Variants in DNAH17 observed in about 807,000 individuals in gnomAD.
DNAH17 encodes the protein dynein axonemal heavy chain 17.
A neutral mutation model predicts 485.6 loss-of-function variants in DNAH17; 376 were observed. The observed-to-expected ratio is 0.77, with a 90% CI of 0.71 to 0.84. DNAH17 has a LOEUF of 0.84. DNAH17 is among the 40% of genes least tolerant of loss of function. The pLI, the probability that DNAH17 is intolerant of heterozygous loss-of-function variation, is 0.00. For synonymous variants in DNAH17, 3,031 were observed against 2,405.9 expected (o/e 1.26, Z -7.60); for missense variants, 6,370 against 5,839.3 (o/e 1.09, Z -2.96).
Position 78,425,250 on chromosome 17 carries a change from T to C in DNAH17, c.13141+96A>G, listed in dbSNP as rs545108760. ...CTCTCCTGCCTGTCCCCACAGCTCTTGAACAGCCTGTCTTTGCCAAGAGCT... is the reference window on the plus strand; with the variant it reads ...CTCTCCTGCCTGTCCCCACAGCTCTCGAACAGCCTGTCTTTGCCAAGAGCT... On this transcript the variant is annotated intron_variant, in intron 80 of 80. Transcript: ENST00000389840. The C allele has an allele frequency of 2.9e-5, 37 of 1,293,120 alleles. 1 individual carries two copies. The South Asian group carries it at 4.6e-4, about 16-fold the overall frequency. The allele number at this position is 1,293,120 out of a possible 1,614,324, so 80.1% of individuals were successfully genotyped here.
Position 78,476,586 on chromosome 17 carries a change from T to C in DNAH17, c.8140A>G (p.Lys2714Glu), listed in dbSNP as rs1196850730. Residue 2714 changes from lysine to glutamate, a missense_variant, in exon 52 of 81, where the codon AAG becomes GAG. Transcript: ENST00000389840. ...TLHRVTMAST[K>E]KFFDDLGDEL... is the part of the protein sequence containing the mutation. ...GCTTGACTTACATCAAAGAACTTCTTGGTGGAGGCCATGGTGACTCTATGC... is the reference window on the plus strand; with the variant it reads ...GCTTGACTTACATCAAAGAACTTCTCGGTGGAGGCCATGGTGACTCTATGC... The C allele has an allele frequency of 6.2e-7, 1 of 1,610,450 alleles. No individual in the cohort carries two copies. The highest frequency in any genetic ancestry group is 2.2e-5 in the East Asian group (1 of 44,830).
chr17:78,428,907 G>A (rs1435184861), intron 76 of DNAH17, among the ~76,000 whole-genome samples, 200 bp from the exon 77 acceptor site: 1 of 139,962 alleles, frequency 7.1e-6, no homozygotes, highest in Non-Finnish European at 1.5e-5. Flanking sequence ...CCTTCCCTGA[G>A]GCTGCATTTC....
chr17:78,468,740 A>G lies in DNAH17; in HGVS notation c.8655T>C (p.Phe2885=), dbSNP rs748399781. The G allele has an allele frequency of 2.5e-6, 4 of 1,613,912 alleles. No homozygotes were observed. Among genetic ancestry groups the G allele is most frequent in the African/African-American group, 2.7e-5 (2 of 74,932 alleles). The part of the protein sequence containing the change: ...LLASGEIPGL[F]MEDEVENIIS... The stretch of plus-strand genomic sequence containing the variant: ...TGATGTTCTCCACCTCGTCCTCCAT[A>G]AACAGCCCAGGGATCTCTCCTGAGG... Residue 2885 remains phenylalanine (F), a synonymous_variant, in exon 55 of 81, where the codon TTT becomes TTC. Coordinates refer to ENST00000389840, the MANE Select transcript of DNAH17 (RefSeq NM_173628.4).
At chr17:78,555,206 G>C (rs886893887) in intron 14 of DNAH17, among the ~76,000 whole-genome samples, 1 of 152,160 alleles carries the variant, frequency 6.6e-6, no homozygotes, top group Non-Finnish European at 1.5e-5. Flanking sequence ...GGATTACAAA[G>C]CAAGACGATG....
At chr17:78,440,867 C>CGCA (rs1396493845) in intron 72 of DNAH17, among the ~76,000 whole-genome samples, 184 bp downstream of exon 72, 2 of 152,242 alleles carry the variant, frequency 1.3e-5, no homozygotes, top group Non-Finnish European at 2.9e-5. Context: ...CTACAAGGGT[C>CGCA]GCAGTTCTCA....
chr17:78,562,399 C>T (rs1233841380), intron 11 of DNAH17, among the ~76,000 whole-genome samples: 1 of 152,108 alleles, frequency 6.6e-6, no homozygotes, highest in Non-Finnish European at 1.5e-5. Flanking sequence ...GCCTGGGCAA[C>T]ACAGCAAAAT....
rs138759235 is a variant in DNAH17, at chr17:78,532,477, C to T, written c.3114+5G>A. ...AGGAGGCTGGTGGGTGAGGTCTGCA[C>T]GCACCTGCTCCTGGAACTGAGCCAG... On this transcript the variant is annotated splice_donor_5th_base_variant and intron_variant, in intron 20 of 80. Transcript: ENST00000389840. The T allele has an allele frequency of 1.5e-3, 2,374 of 1,606,808 alleles. 20 individuals carry two copies. The African/African-American group carries it at 0.024, about 17-fold the overall frequency.
chr17:78,485,784 A>AAGG, intron 46 of DNAH17, 27 bp from the exon 47 acceptor site: 2 of 1,608,332 alleles, frequency 1.2e-6, no homozygotes, highest in African/African-American at 1.3e-5. Flanking sequence ...AAGGGGAGGG[A>AAGG]GCTGTGATTC....
chr17:78,428,745 G>A (rs1239423110), intron 76 of DNAH17, 38 bp from the exon 77 acceptor site: 9 of 1,609,392 alleles, frequency 5.6e-6, no homozygotes, highest in Middle Eastern at 1.6e-4. Flanking sequence ...AGGCAAAGCT[G>A]TGCAGGCTGA....
At chr17:78,461,158 CCAGTGAGGTCTTCTCAACCCCT>C (rs1455223602) in intron 58 of DNAH17, among the ~76,000 whole-genome samples, 1 of 152,130 alleles carries the variant, frequency 6.6e-6, no homozygotes, top group Non-Finnish European at 1.5e-5. Flanking sequence ...GGACCAGGCT[CCAGTGAGGTCTTCTCAACCCCT>C]CCCATGCTCA....
intron 42 of DNAH17, 133 bp from the exon 43 acceptor site, chr17:78,491,703 G>A: frequency 2.9e-6 from 4 of 1,381,216 alleles, no homozygotes; most frequent in Non-Finnish European, 3.8e-6. Flanking sequence ...GAGGCCCTCG[G>A]GCATGAGGTG....
chr17:78,559,834 C>T (rs1489631487), intron 13 of DNAH17, among the ~76,000 whole-genome samples: 1 of 152,086 alleles, frequency 6.6e-6, no homozygotes. Flanking sequence ...CCACTGGCCT[C>T]CTTGCTGCTC....
intron 11 of DNAH17, among the ~76,000 whole-genome samples, chr17:78,563,424 G>A (rs2092200767): frequency 6.6e-6 from 1 of 152,068 alleles, no homozygotes; most frequent in Non-Finnish European, 1.5e-5. Context: ...TCCTCTTAAT[G>A]GTTTATGACT....
chr17:78,542,078 A>G (rs944662703), intron 17 of DNAH17, among the ~76,000 whole-genome samples: 1 of 150,892 alleles, frequency 6.6e-6, no homozygotes, highest in Non-Finnish European at 1.5e-5. Flanking sequence ...ACTCATCATT[A>G]AAGTCCACAC....
Position 78,486,036 on chromosome 17 carries a change from T to A in DNAH17, c.7199A>T (p.Asp2400Val). 6.2e-7 allele frequency: 1 copy of A among 1,613,934 alleles called. No individual in the cohort carries two copies. The highest frequency in any genetic ancestry group is 8.5e-7 in the Non-Finnish European group (1 of 1,179,880). ...SQGTIFDYYI[D>V]PDTKKFLPWT... Reference sequence around the variant, plus strand: ...GGGCAGGAACTTTTTTGTGTCAGGATCAATGTAGTAGTCAAAAATCGTTCC... The same window carrying A: ...GGGCAGGAACTTTTTTGTGTCAGGAACAATGTAGTAGTCAAAAATCGTTCC... Residue 2400 changes from aspartate (D) to valine (V), a missense_variant, in exon 46 of 81, where the codon GAT (aspartate) becomes GTT (valine). Asp to Val is a radical substitution (Grantham distance 152). Coordinates refer to ENST00000389840, the MANE Select transcript of DNAH17 (RefSeq NM_173628.4).
chr17:78,431,432 C>T (rs887488306), intron 75 of DNAH17, among the ~76,000 whole-genome samples: 5 of 150,764 alleles, frequency 3.3e-5, no homozygotes, highest in African/African-American at 9.8e-5. Context: ...CTGCATTTCC[C>T]GTACCTGCTG....
intron 49 of DNAH17, among the ~76,000 whole-genome samples, chr17:78,480,160 C>A (rs1045651020): frequency 3.3e-5 from 5 of 151,176 alleles, no homozygotes; most frequent in African/African-American, 4.9e-5. Flanking sequence ...ACCAGCCTGG[C>A]CAATATGGTG....
rs755971092 is a variant in DNAH17, at chr17:78,502,692, G to A, written c.5089C>T (p.Leu1697=). 11 of 1,611,568 alleles carry A rather than the reference G, an allele frequency of 6.8e-6. No individual in the cohort carries two copies. Among genetic ancestry groups the A allele is most frequent in the Non-Finnish European group, 8.5e-6 (10 of 1,179,866 alleles). Residue 1697 remains leucine, a synonymous_variant, in exon 33 of 81, where the codon CTG becomes TTG. Transcript: ENST00000389840. ...WILDYPAQVA[L]TCTQIWWTTE... ...GTCCACCAGATCTGGGTGCAAGTCAGGGCCACCTGAAAGTACATACCCCCC... is the reference window on the plus strand; with the variant it reads ...GTCCACCAGATCTGGGTGCAAGTCAAGGCCACCTGAAAGTACATACCCCCC...
chr17:78,441,207 T>G lies in DNAH17; in HGVS notation c.11529-8A>C, dbSNP rs970573339. 1.2e-6 allele frequency: 2 copies of G among 1,613,058 alleles called. No individual in the cohort carries two copies. Among genetic ancestry groups the G allele is most frequent in the Non-Finnish European group, 1.7e-6 (2 of 1,179,702 alleles). On this transcript the variant is annotated splice_polypyrimidine_tract_variant and splice_region_variant and intron_variant, in intron 71 of 80. Coordinates refer to ENST00000389840, the MANE Select transcript of DNAH17 (RefSeq NM_173628.4). ...TTTTCCTCCACGAAGTTCCTAGGGG[T>G]GGAGTGCATCAGAGGCAGCGGAACC... is the stretch of plus-strand genomic sequence containing the variant.
Sources: gnomAD v4.1 joint callset for allele counts (sites outside exome capture counted in the v4.1 genomes callset) on GRCh38, gnomAD v4.1.1 for gene constraint, MANE v1.5 for transcripts, NCBI Gene and HGNC (gene_info 2026-07-23, HGNC 2026-07-21) for gene names.